The following DAB1 variants were observed in gnomAD, a reference collection of about 807,000 sequenced individuals.
DAB1 encodes the protein DAB adaptor protein 1, also known as disabled homolog 1.
In DAB1, 15 loss-of-function variants were observed where a neutral mutation model predicts 64.6. The observed-to-expected ratio is 0.23, with a 90% CI of 0.16 to 0.36. The LOEUF (loss-of-function observed/expected upper bound fraction) is 0.36. DAB1 is among the 10% of genes least tolerant of loss of function. The pLI, the probability that DAB1 is intolerant of heterozygous loss-of-function variation, is 1.00. For synonymous variants in DAB1, 235 were observed against 251.9 expected, an observed-to-expected ratio of 0.93 and a Z score of 0.64; for missense variants, 596 against 706.7, an observed-to-expected ratio of 0.84 and a Z score of 1.78.
At chr1:57,060,699 C>T (rs977398830) in intron 9 of DAB1, among the ~76,000 whole-genome samples, 6 of 152,074 alleles carry the variant, frequency 3.9e-5, no homozygotes, top group Admixed American at 3.9e-4. Flanking sequence ...TGGGGGAAGG[C>T]TGCAGAGAGA....
intron 6 of DAB1, among the ~76,000 whole-genome samples, chr1:57,673,362 T>C (rs949205528): frequency 1.1e-4 from 16 of 152,178 alleles, no homozygotes; most frequent in Non-Finnish European, 1.2e-4. Context: ...TATGTGTTAT[T>C]TGAAACTTAC....
chr1:57,562,603 T>G (rs1178642201), intron 7 of DAB1, among the ~76,000 whole-genome samples: 1 of 152,192 alleles, frequency 6.6e-6, no homozygotes, highest in African/African-American at 2.4e-5. Context: ...TATATGGTAC[T>G]GTGTCTCCCA....
intron 7 of DAB1, among the ~76,000 whole-genome samples, chr1:57,485,045 T>C (rs1399560198): frequency 2.0e-5 from 3 of 152,210 alleles, no homozygotes; most frequent in African/African-American, 7.2e-5. Context: ...TGTAGGTAAC[T>C]CAATTCCTCA....
chr1:57,545,865 C>A (rs972396856), intron 7 of DAB1, among the ~76,000 whole-genome samples: 2 of 152,128 alleles, frequency 1.3e-5, no homozygotes, highest in African/African-American at 4.8e-5. Context: ...TTTATGGATG[C>A]TCAATAAATT....
intron 3 of DAB1, among the ~76,000 whole-genome samples, chr1:58,357,282 G>A (rs1644120989): frequency 6.6e-6 from 1 of 152,158 alleles, no homozygotes; most frequent in African/African-American, 2.4e-5. Context: ...GATAGAGTCA[G>A]AGGAATAATG....
At chr1:57,491,068 T>C (rs966227574) in intron 7 of DAB1, among the ~76,000 whole-genome samples, 1 of 152,152 alleles carries the variant, frequency 6.6e-6, no homozygotes, top group African/African-American at 2.4e-5. Context: ...TTCACATCTC[T>C]CTATGAATTT....
chr1:58,089,627 CAA>C (rs1385810196), intron 5 of DAB1, among the ~76,000 whole-genome samples: 2 of 152,154 alleles, frequency 1.3e-5, no homozygotes, highest in Admixed American at 6.5e-5. Flanking sequence ...AAATTAGAGA[CAA>C]AGAGAAACAT....
intron 2 of DAB1, among the ~76,000 whole-genome samples, chr1:57,264,914 G>T (rs905463128): frequency 6.6e-6 from 1 of 151,990 alleles, no homozygotes; most frequent in Non-Finnish European, 1.5e-5. Flanking sequence ...GCTTACATTT[G>T]TAGTCTTTGT....
intron 3 of DAB1, among the ~76,000 whole-genome samples, chr1:57,142,867 T>C (rs1399327326): frequency 2.0e-5 from 3 of 152,186 alleles, no homozygotes; most frequent in African/African-American, 7.2e-5. Context: ...TTTGTGGCTC[T>C]GGATGAGAAC....
intron 3 of DAB1, among the ~76,000 whole-genome samples, chr1:58,350,402 T>C (rs77793387): frequency 1.3e-5 from 2 of 152,210 alleles, no homozygotes; most frequent in African/African-American, 4.8e-5. Flanking sequence ...TCCGGTTCTG[T>C]AGGTTGCCTA....
intron 7 of DAB1, among the ~76,000 whole-genome samples, chr1:57,496,148 C>T (rs368529878): frequency 2.0e-5 from 3 of 152,132 alleles, no homozygotes; most frequent in Non-Finnish European, 2.9e-5. Flanking sequence ...ATACAAATAT[C>T]GCATTACTGT....
At chr1:58,394,974 A>C (rs981266432) in intron 3 of DAB1, among the ~76,000 whole-genome samples, 1 of 148,292 alleles carries the variant, frequency 6.7e-6, no homozygotes, top group Admixed American at 6.7e-5. Flanking sequence ...CAAGGTATAG[A>C]GGAAGCAAAA....
intron 7 of DAB1, among the ~76,000 whole-genome samples, chr1:57,539,664 A>T (rs923618651): frequency 1.3e-5 from 2 of 152,222 alleles, no homozygotes; most frequent in African/African-American, 4.8e-5. Context: ...CAAAGGGGGA[A>T]ATCTACTTCT....
In DAB1 at chr1:58,392,017, C is replaced by T. The variant is rs151226844; in HGVS notation, n.258-48614G>A. On this transcript the variant is annotated intron_variant and non_coding_transcript_variant, in intron 3 of 20. Transcript: ENST00000485760. ...ACATAGGCATTCATGAAGGAATATG[C>T]GTAGCCAGGCTCATGTATCTGCTGG... 3.1e-4 allele frequency among the ~76,000 whole-genome samples: 47 copies of T among 152,272 alleles called. No individual in the cohort carries two copies. In the East Asian group the frequency reaches 8.9e-3, roughly 29 times the overall value.
intron 7 of DAB1, among the ~76,000 whole-genome samples, chr1:57,540,784 G>T (rs1644792293): frequency 6.6e-6 from 1 of 152,190 alleles, no homozygotes; most frequent in South Asian, 2.1e-4. Flanking sequence ...GAGGTAGAAA[G>T]TAGCGTGATA....
chr1:58,169,967 T>C (rs1656074063), intron 4 of DAB1, among the ~76,000 whole-genome samples: 2 of 152,214 alleles, frequency 1.3e-5, no homozygotes, highest in Admixed American at 6.5e-5. Flanking sequence ...ATAGATGTCC[T>C]ACAGGGTCTA....
intron 7 of DAB1, among the ~76,000 whole-genome samples, chr1:57,506,570 G>A (rs937358689): frequency 2.0e-5 from 3 of 152,168 alleles, no homozygotes; most frequent in Non-Finnish European, 2.9e-5. Context: ...ACTGGGCTGG[G>A]GCCAATCAAT....
chr1:57,356,833 C>T (rs1008953533), intron 1 of DAB1, among the ~76,000 whole-genome samples: 2 of 152,098 alleles, frequency 1.3e-5, no homozygotes, highest in South Asian at 2.1e-4. Flanking sequence ...CTGCCTCTCG[C>T]AATAGACCAC....
At chr1:58,321,985 G>A (rs1662695860) in intron 4 of DAB1, among the ~76,000 whole-genome samples, 1 of 152,220 alleles carries the variant, frequency 6.6e-6, no homozygotes, top group African/African-American at 2.4e-5. Flanking sequence ...CCCCTGTGTA[G>A]CCTAACTGGG....
Sources: gnomAD v4.1 joint callset for allele counts (sites outside exome capture counted in the v4.1 genomes callset) on GRCh38, gnomAD v4.1.1 for gene constraint, MANE v1.5 for transcripts, NCBI Gene and HGNC (gene_info 2026-07-23, HGNC 2026-07-21) for gene names.